The following COMMD1 variants were observed in gnomAD, a reference collection of about 807,000 sequenced individuals.
COMMD1 encodes the protein COMM domain-containing protein 1.
In COMMD1, 10 loss-of-function variants were observed where a neutral mutation model predicts 17.2. That is an observed-to-expected ratio of 0.58 (90% CI 0.36 to 0.99). The LOEUF (loss-of-function observed/expected upper bound fraction) is 0.99. Ranked by LOEUF, COMMD1 falls within the 50% of genes least tolerant of loss-of-function variation. The pLI, the probability that COMMD1 is intolerant of heterozygous loss-of-function variation, is 0.01. For missense variants in COMMD1, 270 were observed against 231.8 expected, an observed-to-expected ratio of 1.17 and a Z score of -1.07; for synonymous variants, 97 against 91.6, an observed-to-expected ratio of 1.06 and a Z score of -0.34.
At chr2:61,915,834 T>C in intron 1 of COMMD1, 1 of 327,152 alleles carries the variant, frequency 3.1e-6, no homozygotes. Context: ...TTTATTTAGT[T>C]TTTTTGATTA....
At chr2:62,054,988 G>A (rs530259819) in intron 2 of COMMD1, among the ~76,000 whole-genome samples, 22 of 152,312 alleles carry the variant, frequency 1.4e-4, no homozygotes, top group African/African-American at 4.8e-4. Context: ...AGCTGAGATG[G>A]TGATGCTACT....
intron 2 of COMMD1, among the ~76,000 whole-genome samples, chr2:62,042,433 G>C (rs187338458): frequency 6.6e-6 from 1 of 152,174 alleles, no homozygotes; most frequent in Admixed American, 6.5e-5. Context: ...GGCACTCTCC[G>C]GGGGACTTTG....
At chr2:62,027,075 TATC>T (rs2103867355) in intron 2 of COMMD1, among the ~76,000 whole-genome samples, 1 of 152,336 alleles carries the variant, frequency 6.6e-6, no homozygotes, top group Non-Finnish European at 1.5e-5. Flanking sequence ...ACTATTGAGA[TATC>T]ATGTGAAATT....
chr2:61,971,693 G>C (rs1043772311), intron 1 of COMMD1, among the ~76,000 whole-genome samples: 11 of 151,958 alleles, frequency 7.2e-5, no homozygotes, highest in Admixed American at 2.0e-4. Context: ...CAAAGTGCTG[G>C]GATTACAGGC....
upstream of COMMD1, among the ~76,000 whole-genome samples, chr2:61,900,734 T>C (rs1466638966): frequency 7.2e-5 from 11 of 152,122 alleles, no homozygotes; most frequent in Admixed American, 7.2e-4. Flanking sequence ...TAGTTTACAG[T>C]CAGGACCCAT....
chr2:62,097,638 A>T (rs923268541), intron 2 of COMMD1, among the ~76,000 whole-genome samples: 1 of 152,190 alleles, frequency 6.6e-6, no homozygotes, highest in Non-Finnish European at 1.5e-5. Flanking sequence ...TATCTACTAT[A>T]AGAAAAAGGT....
intron 2 of COMMD1, among the ~76,000 whole-genome samples, chr2:62,013,812 A>T (rs141665485): frequency 2.0e-5 from 3 of 152,342 alleles, no homozygotes; most frequent in African/African-American, 4.8e-5. Context: ...TGCAGTGTTG[A>T]CTGTCTAACA....
chr2:62,022,736 A>T (rs1009099337), intron 2 of COMMD1, among the ~76,000 whole-genome samples: 1 of 152,102 alleles, frequency 6.6e-6, no homozygotes, highest in Non-Finnish European at 1.5e-5. Context: ...TAAATGTAGA[A>T]ATTGAAAAGA....
At chr2:61,932,541 C>G (rs765748022) in intron 1 of COMMD1, among the ~76,000 whole-genome samples, 38 of 152,096 alleles carry the variant, frequency 2.5e-4, no homozygotes, top group Non-Finnish European at 5.1e-4. Context: ...TGAATAAGTG[C>G]TATGGTTTGA....
intron 2 of COMMD1, among the ~76,000 whole-genome samples, chr2:62,077,436 C>G (rs1285428750): frequency 6.6e-6 from 1 of 152,128 alleles, no homozygotes; most frequent in Non-Finnish European, 1.5e-5. Flanking sequence ...GTATTTTTAT[C>G]TCTCAAATTG....
intron 2 of COMMD1, among the ~76,000 whole-genome samples, chr2:62,009,783 A>C (rs1018157784): frequency 6.6e-6 from 1 of 152,150 alleles, no homozygotes; most frequent in African/African-American, 2.4e-5. Context: ...GTTTTAACAA[A>C]GTAAAATAAA....
Position 61,982,287 on chromosome 2 carries a change from C to T in COMMD1, c.181-18414C>T, listed in dbSNP as rs139979926. ...GGGATTACTTTCTTGATTTCTTTTTCAGATTGTTCACCCTTGGCATATAGA... is the reference window on the plus strand; with the variant it reads ...GGGATTACTTTCTTGATTTCTTTTTTAGATTGTTCACCCTTGGCATATAGA... On this transcript the variant is annotated intron_variant, in intron 1 of 2. Transcript: ENST00000311832. 5.0e-3 allele frequency among the ~76,000 whole-genome samples: 761 copies of T among 152,138 alleles called. 7 individuals are homozygous for T. Among genetic ancestry groups the T allele is most frequent in the African/African-American group, 0.017 (724 of 41,524 alleles).
intron 2 of COMMD1, among the ~76,000 whole-genome samples, chr2:62,037,961 C>G (rs910256253): frequency 6.6e-6 from 1 of 152,238 alleles, no homozygotes; most frequent in Middle Eastern, 3.4e-3. Flanking sequence ...TTCGGTCTGC[C>G]TCACAGAGTT....
At chr2:61,968,137 G>A (rs925796609) in intron 1 of COMMD1, among the ~76,000 whole-genome samples, 5 of 151,962 alleles carry the variant, frequency 3.3e-5, no homozygotes, top group African/African-American at 7.3e-5. Flanking sequence ...CTCCTGCCTG[G>A]GTGACACAGT....
chr2:61,975,892 T>A (rs1671788478), intron 1 of COMMD1, among the ~76,000 whole-genome samples: 1 of 152,176 alleles, frequency 6.6e-6, no homozygotes, highest in Non-Finnish European at 1.5e-5. Context: ...CAGAATGTGG[T>A]CTGTCTTGGT....
chr2:61,940,890 G>T (rs1351131564), intron 1 of COMMD1, among the ~76,000 whole-genome samples: 2 of 151,252 alleles, frequency 1.3e-5, no homozygotes, highest in Non-Finnish European at 2.9e-5. Context: ...GGGTTTCACC[G>T]TGTTAGCCAG....
chr2:62,083,079 T>A (rs1022910062), intron 2 of COMMD1, among the ~76,000 whole-genome samples: 9 of 152,114 alleles, frequency 5.9e-5, no homozygotes, highest in Admixed American at 3.3e-4. Context: ...GGCAACATAC[T>A]GAGACCCCAT....
At chr2:62,054,178 C>G (rs1367655640) in intron 2 of COMMD1, among the ~76,000 whole-genome samples, 1 of 152,126 alleles carries the variant, frequency 6.6e-6, no homozygotes, top group African/African-American at 2.4e-5. Flanking sequence ...GTCAGAGTGC[C>G]TATTACTACA....
At chr2:61,965,033 C>T (rs1671470165) in intron 1 of COMMD1, among the ~76,000 whole-genome samples, 1 of 151,934 alleles carries the variant, frequency 6.6e-6, no homozygotes, top group Non-Finnish European at 1.5e-5. Flanking sequence ...AAGACTCCGT[C>T]TCAAAAAAAA....
Sources: allele counts gnomAD v4.1 joint callset (sites outside exome capture counted in the v4.1 genomes callset), GRCh38; gene constraint gnomAD v4.1.1; transcripts MANE v1.5; gene names NCBI Gene and HGNC (gene_info 2026-07-23, HGNC 2026-07-21).